The following FOXN3 variants were observed in gnomAD, a reference collection of about 807,000 sequenced individuals.
The protein encoded by FOXN3 is forkhead box N3.
FOXN3 carries 7 observed loss-of-function variants against 38.4 expected under a neutral mutation model. That is an observed-to-expected ratio of 0.18 (90% CI 0.10 to 0.34). The LOEUF is 0.34. Ranked by LOEUF, FOXN3 falls within the 10% of genes least tolerant of loss-of-function variation. The pLI is 1.00. For missense variants in FOXN3, 456 were observed against 613.4 expected, an observed-to-expected ratio of 0.74 and a Z score of 2.71; for synonymous variants, 230 against 242.2, an observed-to-expected ratio of 0.95 and a Z score of 0.47.
intron 4 of FOXN3, among the ~76,000 whole-genome samples, chr14:89,246,013 G>A (rs747886702): frequency 6.6e-6 from 1 of 152,122 alleles, no homozygotes. Flanking sequence ...GTGTGAGGAC[G>A]GGTGATGGCT....
intron 4 of FOXN3, among the ~76,000 whole-genome samples, chr14:89,181,077 C>T (rs1180458734): frequency 6.6e-5 from 10 of 151,794 alleles, no homozygotes; most frequent in African/African-American, 2.2e-4. Flanking sequence ...CACACACACA[C>T]GTGCACACAC....
chr14:89,367,163 C>A (rs1890183545), intron 2 of FOXN3, among the ~76,000 whole-genome samples: 2 of 152,308 alleles, frequency 1.3e-5, no homozygotes, highest in African/African-American at 4.8e-5. Flanking sequence ...CACCCATCTT[C>A]CCTAATTTTC....
intron 1 of FOXN3, among the ~76,000 whole-genome samples, chr14:89,511,869 C>T (rs1894100054): frequency 6.6e-6 from 1 of 152,062 alleles, no homozygotes; most frequent in Non-Finnish European, 1.5e-5. Flanking sequence ...AGAATAAGTG[C>T]CCAGCAAAGG....
chr14:89,268,540 G>A (rs1886051842), intron 4 of FOXN3, among the ~76,000 whole-genome samples: 2 of 152,224 alleles, frequency 1.3e-5, no homozygotes, highest in South Asian at 2.1e-4. Context: ...GAGAATTGAT[G>A]AGCCCATCAA....
chr14:89,204,952 A>G (rs1888340899), intron 4 of FOXN3, among the ~76,000 whole-genome samples: 1 of 152,210 alleles, frequency 6.6e-6, no homozygotes, highest in Non-Finnish European at 1.5e-5. Flanking sequence ...GATTAAGACT[A>G]TACATAAAGG....
intron 2 of FOXN3, among the ~76,000 whole-genome samples, chr14:89,386,006 A>G (rs74078413): frequency 0.027 from 4,044 of 152,324 alleles, 210 homozygotes; most frequent in African/African-American, 0.093. Flanking sequence ...CAGACTCACA[A>G]CGGTTCTACT....
chr14:89,283,133 C>T (rs2139921138), intron 3 of FOXN3, among the ~76,000 whole-genome samples: 1 of 151,160 alleles, frequency 6.6e-6, no homozygotes. Flanking sequence ...AGTTTTCAAG[C>T]TCCCTGGCCC....
chr14:89,172,078 T>A (rs942423849), intron 5 of FOXN3, among the ~76,000 whole-genome samples: 1 of 152,154 alleles, frequency 6.6e-6, no homozygotes, highest in East Asian at 1.9e-4. Context: ...AGAAAATACA[T>A]CATATTAATT....
At chr14:89,251,109 G>T (rs1419498256) in intron 4 of FOXN3, among the ~76,000 whole-genome samples, 5 of 152,222 alleles carry the variant, frequency 3.3e-5, no homozygotes, top group African/African-American at 1.2e-4. Context: ...ATTTGAAAGT[G>T]CTGGATTTAT....
intron 1 of FOXN3, among the ~76,000 whole-genome samples, chr14:89,538,332 C>T (rs941206279): frequency 2.0e-5 from 3 of 152,056 alleles, no homozygotes; most frequent in African/African-American, 7.3e-5. Flanking sequence ...AAAATGTAGC[C>T]AGGACTTGGA....
intron 1 of FOXN3, among the ~76,000 whole-genome samples, chr14:89,609,928 A>T (rs1377865208): frequency 6.6e-6 from 1 of 152,078 alleles, no homozygotes; most frequent in East Asian, 1.9e-4. Context: ...CAAGTTTTCT[A>T]GCCTGGGAAA....
intron 2 of FOXN3, among the ~76,000 whole-genome samples, chr14:89,404,914 G>A (rs1312170393): frequency 6.6e-6 from 1 of 152,072 alleles, no homozygotes; most frequent in Non-Finnish European, 1.5e-5. Context: ...ATCCGAACCA[G>A]ACCACACTGT....
chr14:89,218,046 A>G (rs926924028), intron 4 of FOXN3, among the ~76,000 whole-genome samples: 3 of 152,234 alleles, frequency 2.0e-5, no homozygotes, highest in Non-Finnish European at 4.4e-5. Flanking sequence ...TGAAAAACAC[A>G]TACTCTTTTA....
intron 1 of FOXN3, among the ~76,000 whole-genome samples, chr14:89,503,928 A>G (rs1893855060): frequency 6.6e-6 from 1 of 152,246 alleles, no homozygotes; most frequent in African/African-American, 2.4e-5. Context: ...TCTAATATCA[A>G]GCCCATCGGA....
intron 3 of FOXN3, among the ~76,000 whole-genome samples, chr14:89,282,844 T>C (rs923805953): frequency 4.1e-4 from 63 of 152,202 alleles, no homozygotes; most frequent in African/African-American, 1.4e-3. Context: ...GAAGGTCGGA[T>C]AAATCCAGTG....
chr14:89,234,790 G>A (rs28488854), intron 4 of FOXN3, among the ~76,000 whole-genome samples: 3,449 of 151,924 alleles, frequency 0.023, 132 homozygotes, highest in African/African-American at 0.079. Context: ...CTCCCCAGTC[G>A]AGCCCTACAC....
intron 1 of FOXN3, among the ~76,000 whole-genome samples, chr14:89,604,971 G>T (rs556958415): frequency 6.6e-6 from 1 of 151,654 alleles, no homozygotes; most frequent in South Asian, 2.1e-4. Flanking sequence ...AGAACAAGGG[G>T]GAAATGGACA....
At chr14:89,236,477 T>C (rs1220112638) in intron 4 of FOXN3, among the ~76,000 whole-genome samples, 2 of 152,150 alleles carry the variant, frequency 1.3e-5, no homozygotes, top group Non-Finnish European at 2.9e-5. Context: ...ATCACGCCAC[T>C]GCACTCCAGC....
rs571257730 is a variant in FOXN3, at chr14:89,442,748, CACTCCAACCAGCCAGTATTT to C, written c.-14-30278_-14-30259del. 7.3e-3 allele frequency among the ~76,000 whole-genome samples: 1,103 copies of C among 152,136 alleles called. 9 individuals are homozygous for C. The highest frequency in any genetic ancestry group is 0.017 in the African/African-American group (697 of 41,458). The stretch of plus-strand genomic sequence containing the variant: ...AGTTTTACCCCAACCAGCCAGTCTT[CACTCCAACCAGCCAGTATTT>C]ACTCCAACCAGCCAGTCTTTCCCAG... On this transcript the variant is annotated intron_variant, in intron 1 of 6. Coordinates refer to the FOXN3 transcript ENST00000345097.
Sources: gnomAD v4.1 joint callset for allele counts (sites outside exome capture counted in the v4.1 genomes callset) on GRCh38, gnomAD v4.1.1 for gene constraint, MANE v1.5 for transcripts, NCBI Gene and HGNC (gene_info 2026-07-23, HGNC 2026-07-21) for gene names.